Variants in ATP6V0A1 observed in about 807,000 individuals in gnomAD.
ATP6V0A1 encodes the protein V-type proton ATPase 116 kDa subunit a 1.
In ATP6V0A1, 43 loss-of-function variants were observed where a neutral mutation model predicts 105.4. The observed-to-expected ratio is 0.41, with a 90% CI of 0.32 to 0.53. The LOEUF is 0.53. ATP6V0A1 is among the 20% of genes least tolerant of loss of function. The pLI, the probability that ATP6V0A1 is intolerant of heterozygous loss-of-function variation, is 0.30. For missense variants in ATP6V0A1, 676 were observed against 1,051.1 expected (o/e 0.64, Z 4.93); for synonymous variants, 362 against 372.8 (o/e 0.97, Z 0.33).
intron 19 of ATP6V0A1, among the ~76,000 whole-genome samples, chr17:42,509,565 T>G (rs1310860630): frequency 6.6e-6 from 1 of 152,218 alleles, no homozygotes; most frequent in African/African-American, 2.4e-5. Context: ...AAAGAGTGTC[T>G]GTGTTCCTGG....
At chr17:42,468,643 C>G (rs138902859) in intron 4 of ATP6V0A1, among the ~76,000 whole-genome samples, 3 of 152,268 alleles carry the variant, frequency 2.0e-5, no homozygotes, top group African/African-American at 7.2e-5. Context: ...TATTATTTGT[C>G]TGTGCCCTGC....
At chr17:42,482,386 A>G (rs562002301) in intron 8 of ATP6V0A1, among the ~76,000 whole-genome samples, 43 of 152,120 alleles carry the variant, frequency 2.8e-4, no homozygotes, top group African/African-American at 1.0e-3. Flanking sequence ...GACTCAAGCA[A>G]TCCACCTGCC....
chr17:42,496,854 A>G (rs1172177165), intron 14 of ATP6V0A1, among the ~76,000 whole-genome samples: 1 of 152,138 alleles, frequency 6.6e-6, no homozygotes, highest in East Asian at 1.9e-4. Context: ...AGATGGAATG[A>G]CAGCACCACA....
In ATP6V0A1 at chr17:42,514,401, G is replaced by C. The variant is rs1162893704; in HGVS notation, c.2361G>C (p.Val787=). 6.2e-7 allele frequency: 1 copy of C among 1,613,520 alleles called. No individual in the cohort carries two copies. The highest frequency in any genetic ancestry group is 2.2e-5 in the East Asian group (1 of 44,874). The stretch of plus-strand genomic sequence containing the variant: ...TCACTGCCTTTGCCACCCTGACCGT[G>C]GCCATCCTCCTGATCATGGAGGGCC... ...FFFTAFATLT[V]AILLIMEGLS... is the part of the protein sequence containing the mutation. The change falls in exon 21 of 22, where the codon GTG becomes GTC. Residue 787 remains valine (V), a synonymous_variant. Coordinates refer to ENST00000343619, the MANE Select transcript of ATP6V0A1 (RefSeq NM_001130021.3).
At position 42,461,023 on chromosome 17, in the gene ATP6V0A1, T is replaced by C. The variant is rs1007025615; in HGVS notation, c.117+12T>C. 2.5e-6 allele frequency: 4 copies of C among 1,600,572 alleles called. No individual in the cohort carries two copies. Among genetic ancestry groups the C allele is most frequent in the Non-Finnish European group, 2.6e-6 (3 of 1,167,632 alleles). The stretch of plus-strand genomic sequence containing the variant: ...TTCAGTTTCGTGACGTAAGTAGTTG[T>C]GGGGCTGCGACTTGATTACTGCTGA... On this transcript the variant is annotated intron_variant, in intron 2 of 21. Transcript: ENST00000343619.
At chr17:42,498,797 G>A in intron 14 of ATP6V0A1, 127 bp from the exon 15 acceptor site, 1 of 610,414 alleles carries the variant, frequency 1.6e-6, no homozygotes, top group Non-Finnish European at 2.8e-6. Context: ...CTGCACTCCA[G>A]CCTGGGTGAC....
chr17:42,468,900 C>T (rs1265190842), intron 4 of ATP6V0A1, among the ~76,000 whole-genome samples: 1 of 152,092 alleles, frequency 6.6e-6, no homozygotes, highest in Non-Finnish European at 1.5e-5. Flanking sequence ...GGCTGGACTA[C>T]AGTGACCCCA....
chr17:42,496,760 C>T (rs998986497), intron 14 of ATP6V0A1, among the ~76,000 whole-genome samples: 2 of 151,808 alleles, frequency 1.3e-5, no homozygotes, highest in African/African-American at 4.8e-5. Context: ...TGCTTGCGCC[C>T]GGGAGGAGGA....
In ATP6V0A1 at chr17:42,494,656, C is replaced by T. The variant is rs974418204; in HGVS notation, c.1314+183C>T. 5 of 705,316 alleles carry T rather than the reference C, an allele frequency of 7.1e-6. No homozygotes were observed. The South Asian group carries it at 1.2e-4, about 17-fold the overall frequency. 43.7% of individuals were successfully genotyped at this position (705,316 alleles called of 1,614,324 possible). A position where few individuals can be genotyped will look rare whatever the true frequency, so the allele number is the denominator to read the frequency against. On this transcript the variant is annotated intron_variant, in intron 12 of 21. Transcript: ENST00000343619. The stretch of plus-strand genomic sequence containing the variant: ...GGAAGTGGTAGTGTGTGCCTGTAGT[C>T]CCAGCTACTTGGAGGCTGAGGCAGG...
chr17:42,501,373 T>G (rs1163124650), intron 17 of ATP6V0A1, 69 bp downstream of exon 17: 1 of 1,111,042 alleles, frequency 9.0e-7, no homozygotes, highest in African/African-American at 1.6e-5. Flanking sequence ...AATTCCCCAG[T>G]GGATATAATT....
chr17:42,470,479 ATAGT>A (rs1341001011), intron 5 of ATP6V0A1: 8 of 331,726 alleles, frequency 2.4e-5, no homozygotes, highest in Non-Finnish European at 4.0e-5. Flanking sequence ...TTGTATAAAC[ATAGT>A]TAGTATAAAT....
At chr17:42,502,493 C>T (rs113990940) in intron 17 of ATP6V0A1, among the ~76,000 whole-genome samples, 168 of 149,020 alleles carry the variant, frequency 1.1e-3, no homozygotes, top group African/African-American at 2.6e-3. Flanking sequence ...GAATTCTGCG[C>T]GCGCACACAC....
intron 21 of ATP6V0A1, among the ~76,000 whole-genome samples, chr17:42,516,640 C>T (rs956408521): frequency 6.6e-6 from 1 of 152,210 alleles, no homozygotes; most frequent in African/African-American, 2.4e-5. Flanking sequence ...CGTGGGTAGC[C>T]GGTCATCTCC....
intron 17 of ATP6V0A1, among the ~76,000 whole-genome samples, chr17:42,505,192 C>T (rs1399144898): frequency 6.6e-6 from 1 of 151,938 alleles, no homozygotes; most frequent in Non-Finnish European, 1.5e-5. Context: ...TGCACCACTA[C>T]GCCTGGCTAA....
intron 21 of ATP6V0A1, chr17:42,520,671 G>A (rs773750016): frequency 6.8e-6 from 3 of 439,358 alleles, no homozygotes; most frequent in African/African-American, 2.0e-5. Flanking sequence ...GGTGGGCTGT[G>A]TGATCCCCTG....
At chr17:42,513,217 A>C (rs1461593024) in intron 19 of ATP6V0A1, among the ~76,000 whole-genome samples, 2 of 152,232 alleles carry the variant, frequency 1.3e-5, no homozygotes, top group Non-Finnish European at 1.5e-5. Flanking sequence ...ACCCATGTGG[A>C]AATTTGTAAA....
At position 42,478,458 on chromosome 17, in the gene ATP6V0A1, C is replaced by T; in HGVS notation, c.507-5C>T. 5.0e-6 allele frequency: 8 copies of T among 1,594,468 alleles called. No homozygotes were observed. Among genetic ancestry groups the T allele is most frequent in the East Asian group, 2.3e-5 (1 of 43,626 alleles). ...GAGTTTCCAATCTGCCTCTTCTCCCCACAGCTTCGTGGCTGGTGTCATTAA... is the reference window on the plus strand; with the variant it reads ...GAGTTTCCAATCTGCCTCTTCTCCCTACAGCTTCGTGGCTGGTGTCATTAA... On this transcript the variant is annotated splice_polypyrimidine_tract_variant and splice_region_variant and intron_variant, in intron 6 of 21. Transcript: ENST00000343619.
chr17:42,465,680 G>A (rs1269765966), intron 2 of ATP6V0A1, among the ~76,000 whole-genome samples: 1 of 151,666 alleles, frequency 6.6e-6, no homozygotes, highest in African/African-American at 2.4e-5. Flanking sequence ...AATTACTTAT[G>A]GTGCCAGACG....
intron 10 of ATP6V0A1, among the ~76,000 whole-genome samples, chr17:42,489,631 C>A (rs1220768915): frequency 6.6e-6 from 1 of 152,108 alleles, no homozygotes; most frequent in Non-Finnish European, 1.5e-5. Flanking sequence ...ATTTAAACAT[C>A]TTTTTGAGGC....
Sources: gnomAD v4.1 joint callset for allele counts (sites outside exome capture counted in the v4.1 genomes callset) on GRCh38, gnomAD v4.1.1 for gene constraint, MANE v1.5 for transcripts, NCBI Gene and HGNC (gene_info 2026-07-23, HGNC 2026-07-21) for gene names.